The following TEX2 variants were observed in gnomAD, a reference collection of about 807,000 sequenced individuals.
TEX2 encodes testis expressed 2.
TEX2 carries 53 observed loss-of-function variants against 106.9 expected under a neutral mutation model. The ratio of observed to expected loss-of-function variants is 0.50; its 90% CI spans 0.40 to 0.62. The LOEUF (loss-of-function observed/expected upper bound fraction) is 0.62. TEX2 is among the 20% of genes least tolerant of loss of function. The pLI is 0.00. For synonymous variants in TEX2, 523 were observed against 534.8 expected, an observed-to-expected ratio of 0.98 and a Z score of 0.30; for missense variants, 1,207 against 1,379.0, an observed-to-expected ratio of 0.88 and a Z score of 1.98.
At chr17:64,177,882 C>T (rs1170986509) in intron 5 of TEX2, among the ~76,000 whole-genome samples, 5 of 152,200 alleles carry the variant, frequency 3.3e-5, no homozygotes, top group South Asian at 4.1e-4. Context: ...TCCGGGCAGA[C>T]GCCACAGTTC....
In TEX2 at chr17:64,148,959, A is replaced by G. The variant is rs1335158550; in HGVS notation, c.*10T>C. On this transcript the variant is annotated 3_prime_UTR_variant, in exon 12 of 12. Transcript: ENST00000584379. Reference sequence around the variant, plus strand: ...GATGTCACAATATGGGGAACATCTGACATCACCCATCATGGCTGATCAGCA... The same window carrying G: ...GATGTCACAATATGGGGAACATCTGGCATCACCCATCATGGCTGATCAGCA... 3.1e-6 allele frequency: 5 copies of G among 1,614,058 alleles called. No individual in the cohort carries two copies. The highest frequency in any genetic ancestry group is 2.2e-5 in the South Asian group (2 of 91,066).
chr17:64,209,211 A>G (rs1555631178), intron 2 of TEX2, among the ~76,000 whole-genome samples: 1 of 152,230 alleles, frequency 6.6e-6, no homozygotes, highest in East Asian at 1.9e-4. Context: ...TTAAAGTACC[A>G]TAGTTTAAAA....
At position 64,217,863 on chromosome 17, in the gene TEX2, G is replaced by A. The variant is rs2033229796; in HGVS notation, c.-25-3621C>T. On this transcript the variant is annotated intron_variant, in intron 1 of 11. Coordinates refer to ENST00000584379, the MANE Select transcript of TEX2 (RefSeq NM_001288732.2). This position sits in a 1 kb window ranked among gnomAD's most constrained non-coding sequence, Gnocchi z 4.3. ...AAGGAGAGCTGTAGCTCATGTTGTC[G>A]CCAGGCTCCCATAGGTATGATTTCG... Among the ~76,000 whole-genome samples the A allele has an allele frequency of 6.6e-6, 1 of 152,170 alleles. No individual in the cohort carries two copies. The highest frequency in any genetic ancestry group is 6.5e-5 in the Admixed American group (1 of 15,282).
intron 4 of TEX2, among the ~76,000 whole-genome samples, chr17:64,190,946 G>T: frequency 6.6e-6 from 1 of 152,218 alleles, no homozygotes; most frequent in Non-Finnish European, 1.5e-5. Flanking sequence ...TCTTGGTACT[G>T]ATAGATGTAC....
In TEX2 at chr17:64,213,125, G is replaced by C; in HGVS notation, c.1093C>G (p.Pro365Ala). 1 of 1,614,144 alleles carries C rather than the reference G, an allele frequency of 6.2e-7. No homozygotes were observed. Among genetic ancestry groups the C allele is most frequent in the Non-Finnish European group, 8.5e-7 (1 of 1,180,022 alleles). ...GDGYGSDSNI[P>A]RSDHPKSTGE... ...GTGGACTTTGGGTGGTCACTTCTGG[G>C]GATGTTGGAATCACTTCCGTAGCCA... is the stretch of plus-strand genomic sequence containing the variant. Residue 365 changes from proline (P) to alanine (A), a missense_variant, in exon 2 of 12, where the codon CCC becomes GCC. Physicochemically the swap from Pro to Ala is conservative, Grantham distance 27. Around this residue, in one of 3 missense-constraint regions of TEX2, gnomAD observed 1,067 missense variants for 1,193.6 expected, o/e 0.89. Coordinates refer to ENST00000584379, the MANE Select transcript of TEX2 (RefSeq NM_001288732.2). The surrounding 1 kb of genome is among the most constrained non-coding windows in gnomAD (Gnocchi z 4.4).
At chr17:64,216,056 C>T (rs1428133279) in intron 1 of TEX2, among the ~76,000 whole-genome samples, 4 of 152,176 alleles carry the variant, frequency 2.6e-5, no homozygotes, top group Non-Finnish European at 5.9e-5. Flanking sequence ...TAAAAACTTT[C>T]ACACACAGTT....
chr17:64,225,728 G>GT (rs1299972496), intron 1 of TEX2, among the ~76,000 whole-genome samples: 2 of 151,294 alleles, frequency 1.3e-5, no homozygotes, highest in African/African-American at 2.4e-5. Context: ...TTTGTTTTTT[G>GT]TTTTTTTGAG....
At chr17:64,188,082 C>T (rs765890516) in intron 5 of TEX2, 86 bp downstream of exon 5, 39 of 1,490,448 alleles carry the variant, frequency 2.6e-5, no homozygotes, top group Non-Finnish European at 3.3e-5. Flanking sequence ...TCCCAGTGCC[C>T]ACAACAGGGC....
chr17:64,215,290 G>C (rs1288099970), intron 1 of TEX2, among the ~76,000 whole-genome samples: 2 of 152,212 alleles, frequency 1.3e-5, no homozygotes, highest in African/African-American at 4.8e-5. Context: ...CAAGACACAG[G>C]GCACGCTTCA....
chr17:64,148,914 G>C lies in TEX2; in HGVS notation c.*55C>G. 1 of 1,609,326 alleles carries C rather than the reference G, an allele frequency of 6.2e-7. No homozygotes were observed. On this transcript the variant is annotated 3_prime_UTR_variant, in exon 12 of 12. Transcript: ENST00000584379. Reference sequence around the variant, plus strand: ...GTGCTACAGTACAGATGGCGGCCAAGAACCCCACACATCCAGCTCGATGTC... The same window carrying C: ...GTGCTACAGTACAGATGGCGGCCAACAACCCCACACATCCAGCTCGATGTC...
At chr17:64,191,614 T>G (rs564513804) in intron 4 of TEX2, among the ~76,000 whole-genome samples, 171 of 152,234 alleles carry the variant, frequency 1.1e-3, no homozygotes, top group Non-Finnish European at 1.1e-3. Flanking sequence ...GCTGGGAGTT[T>G]AAGATCAGCC....
Position 64,148,210 on chromosome 17 carries a change from G to A in TEX2, c.*759C>T, listed in dbSNP as rs1422064409. ...CCATCTGTATGAGAGGACCCATCCTGTCATGTGCAGTGTTTGATGTTTTCA... is the reference window on the plus strand; with the variant it reads ...CCATCTGTATGAGAGGACCCATCCTATCATGTGCAGTGTTTGATGTTTTCA... On this transcript the variant is annotated 3_prime_UTR_variant, in exon 12 of 12. Transcript: ENST00000584379. 6.6e-6 allele frequency: 1 copy of A among 152,636 alleles called. No individual in the cohort carries two copies. The highest frequency in any genetic ancestry group is 1.5e-5 in the Non-Finnish European group (1 of 68,046). The allele number at this position is 152,636 out of a possible 1,614,324, so 9.5% of individuals were successfully genotyped here.
chr17:64,240,997 C>A (rs2033877755), intron 1 of TEX2, among the ~76,000 whole-genome samples: 1 of 152,194 alleles, frequency 6.6e-6, no homozygotes, highest in Non-Finnish European at 1.5e-5. Flanking sequence ...TGACTCAGTG[C>A]TTAAAATGAC....
intron 2 of TEX2, among the ~76,000 whole-genome samples, chr17:64,196,820 T>A (rs1483336509): frequency 6.6e-6 from 1 of 152,126 alleles, no homozygotes; most frequent in Admixed American, 6.6e-5. Context: ...GGATTAAGGA[T>A]GTATGAGTCA....
chr17:64,164,648 T>C (rs1316984927), intron 7 of TEX2, among the ~76,000 whole-genome samples: 3 of 152,202 alleles, frequency 2.0e-5, no homozygotes, highest in Admixed American at 6.5e-5. Flanking sequence ...GCGTTCTTAA[T>C]GTACAATATC....
intron 1 of TEX2, among the ~76,000 whole-genome samples, chr17:64,249,712 C>T (rs1555636726): frequency 1.3e-5 from 2 of 152,050 alleles, no homozygotes; most frequent in African/African-American, 4.8e-5. Flanking sequence ...TGTGTTTTTT[C>T]TCTTCCCTAA....
At chr17:64,186,490 C>G (rs2032080353) in intron 5 of TEX2, among the ~76,000 whole-genome samples, 1 of 152,186 alleles carries the variant, frequency 6.6e-6, no homozygotes, top group Admixed American at 6.5e-5. Flanking sequence ...GCTTGCTTCT[C>G]ATTAAGAACA....
chr17:64,214,202 C>T lies in TEX2; in HGVS notation c.16G>A (p.Gly6Ser). 1.2e-6 allele frequency: 2 copies of T among 1,612,766 alleles called. No homozygotes were observed. Among genetic ancestry groups the T allele is most frequent in the East Asian group, 4.5e-5 (2 of 44,868 alleles). The change falls in exon 2 of 12, where the codon GGT becomes AGT. Residue 6 changes from glycine (G) to serine (S), a missense_variant. Gly to Ser is a moderately conservative substitution (Grantham distance 56). Coordinates refer to ENST00000584379, the MANE Select transcript of TEX2 (RefSeq NM_001288732.2). MTSLY[G>S]RHAEKTTDMP... ...TCAGTGGTTTTCTCGGCATGGCGAC[C>T]ATACAGACTTGTCATTGCCGGCTTC...
At chr17:64,215,914 CAG>C (rs1391928733) in intron 1 of TEX2, among the ~76,000 whole-genome samples, 5 of 152,156 alleles carry the variant, frequency 3.3e-5, no homozygotes, top group Non-Finnish European at 7.3e-5. Context: ...GTTTGGGAAA[CAG>C]TGATCCTGGA....
Sources: allele counts gnomAD v4.1 joint callset (sites outside exome capture counted in the v4.1 genomes callset), GRCh38; gene constraint gnomAD v4.1.1; regional missense constraint gnomAD v4.1.1; non-coding constraint Gnocchi (gnomAD v3.1); transcripts MANE v1.5; gene names NCBI Gene and HGNC (gene_info 2026-07-23, HGNC 2026-07-21).